MYLK3: variants seen among roughly 807,000 people sequenced by gnomAD.
MYLK3 encodes myosin light chain kinase 3.
A neutral mutation model predicts 76.3 loss-of-function variants in MYLK3; 55 were observed. The observed-to-expected ratio is 0.72, with a 90% CI of 0.58 to 0.90. The LOEUF is 0.90. Among genes scored for constraint, MYLK3 ranks in the 40% least tolerant of loss-of-function variants. The pLI is 0.00. For synonymous variants in MYLK3, 416 were observed against 425.4 expected, an observed-to-expected ratio of 0.98 and a Z score of 0.27; for missense variants, 973 against 1,053.6, an observed-to-expected ratio of 0.92 and a Z score of 1.06.
intron 2 of MYLK3, among the ~76,000 whole-genome samples, chr16:46,739,482 G>A (rs533893074): frequency 6.6e-6 from 1 of 152,148 alleles, no homozygotes; most frequent in African/African-American, 2.4e-5. Flanking sequence ...GGTTTGAACT[G>A]CACGGGTTCA....
At position 46,705,877 on chromosome 16, in the gene MYLK3, C is replaced by T. The variant is rs1039412885; in HGVS notation, c.*1827G>A. ...TAGCGGGCACCTATGGTCCCAGGTA[C>T]TCATGATCGCCTGAGCCCAGGAGGC... On this transcript the variant is annotated 3_prime_UTR_variant, in exon 13 of 13. Coordinates refer to ENST00000394809, the MANE Select transcript of MYLK3 (RefSeq NM_182493.3). The T allele has an allele frequency of 6.6e-6, 1 of 151,754 alleles. No homozygotes were observed. The highest frequency in any genetic ancestry group is 2.4e-5 in the African/African-American group (1 of 41,250). The allele number at this position is 151,754 out of a possible 1,614,324, so 9.4% of individuals were successfully genotyped here.
intron 3 of MYLK3, among the ~76,000 whole-genome samples, chr16:46,733,313 C>A (rs1475174403): frequency 6.6e-6 from 1 of 152,182 alleles, no homozygotes; most frequent in Non-Finnish European, 1.5e-5. Context: ...TATGATCATA[C>A]CACTGCACTC....
intron 9 of MYLK3, among the ~76,000 whole-genome samples, chr16:46,715,814 T>A (rs1966731935): frequency 6.6e-6 from 1 of 152,156 alleles, no homozygotes; most frequent in South Asian, 2.1e-4. Flanking sequence ...CCAACTTTAT[T>A]TTCTATAGTT....
intron 1 of MYLK3, among the ~76,000 whole-genome samples, chr16:46,746,917 G>C (rs981777375): frequency 1.3e-5 from 2 of 152,128 alleles, no homozygotes; most frequent in African/African-American, 2.4e-5. Context: ...TCCTGTCCTC[G>C]GCAGGCAGCC....
At chr16:46,710,521 T>C (rs1966671565) in intron 11 of MYLK3, 116 bp downstream of exon 11, 1 of 1,186,774 alleles carries the variant, frequency 8.4e-7, no homozygotes, top group East Asian at 2.3e-5. Flanking sequence ...AACTAAGAAA[T>C]CTTGAATGGA....
At chr16:46,757,382 G>C in intron 1 of MYLK3, 2 of 985,402 alleles carry the variant, frequency 2.0e-6, no homozygotes, top group Non-Finnish European at 2.4e-6. Flanking sequence ...TGTTCCTCAG[G>C]CTCTTACTTC....
chr16:46,742,690 T>C (rs1966953216), intron 1 of MYLK3, among the ~76,000 whole-genome samples: 1 of 152,190 alleles, frequency 6.6e-6, no homozygotes, highest in African/African-American at 2.4e-5. Context: ...CACCAAGCTT[T>C]GACCTCTGAA....
intron 5 of MYLK3, 22 bp downstream of exon 5, chr16:46,730,571 A>T (rs772350454): frequency 5.6e-6 from 9 of 1,603,156 alleles, no homozygotes; most frequent in African/African-American, 1.3e-5. Context: ...AAGCCCCCCA[A>T]CCAAGGCAGA....
At chr16:46,712,850 T>C (rs1966698351) in intron 9 of MYLK3, 74 bp from the exon 10 acceptor site, 2 of 1,411,408 alleles carry the variant, frequency 1.4e-6, no homozygotes, top group Admixed American at 5.1e-5. Flanking sequence ...TCATTTCTGG[T>C]GGGATGCAGA....
In MYLK3 at chr16:46,706,240, T is replaced by C. The variant is rs765096891; in HGVS notation, c.*1464A>G. On this transcript the variant is annotated 3_prime_UTR_variant, in exon 13 of 13. Transcript: ENST00000394809. ...GTCAGTTAATACCCATACACACATA[T>C]GTGTTCGTGTGTGTGTGTGTTTGTG... 4.0e-5 allele frequency: 6 copies of C among 151,846 alleles called. No individual in the cohort carries two copies. Among genetic ancestry groups the C allele is most frequent in the Non-Finnish European group, 7.4e-5 (5 of 68,006 alleles). 9.4% of individuals were successfully genotyped at this position (151,846 alleles called of 1,614,324 possible). A position where few individuals can be genotyped will look rare whatever the true frequency, so the allele number is the denominator to read the frequency against.
At chr16:46,713,106 G>T (rs917452466) in intron 9 of MYLK3, among the ~76,000 whole-genome samples, 1 of 151,980 alleles carries the variant, frequency 6.6e-6, no homozygotes, top group Non-Finnish European at 1.5e-5. Context: ...AATGGGTATA[G>T]AATTTCAGTT....
In MYLK3 at chr16:46,738,103, C is replaced by A. The variant is rs1285244487; in HGVS notation, c.609G>T (p.Arg203Ser). 1 of 1,583,950 alleles carries A rather than the reference C, an allele frequency of 6.3e-7. No individual in the cohort carries two copies. Among genetic ancestry groups the A allele is most frequent in the Non-Finnish European group, 8.6e-7 (1 of 1,165,664 alleles). ...GCCCTGACGCTCTGATGGGGGGCAG[C>A]CTCTCCGCTGTCCCCTCCAGCACGT... ...KADVLEGTAERLPPIRASGLG... is the reference protein window; with the variant it reads ...KADVLEGTAESLPPIRASGLG... The change falls in exon 3 of 13, where the codon AGG (arginine) becomes AGT (serine). Residue 203 changes from arginine to serine, a missense_variant. Transcript: ENST00000394809.
In MYLK3 at chr16:46,729,692, A is replaced by C. The variant is rs1042599022; in HGVS notation, c.1569-5T>G. 6.2e-7 allele frequency: 1 copy of C among 1,613,140 alleles called. No homozygotes were observed. The highest frequency in any genetic ancestry group is 8.5e-7 in the Non-Finnish European group (1 of 1,179,436). On this transcript the variant is annotated splice_polypyrimidine_tract_variant and splice_region_variant and intron_variant, in intron 5 of 12. Coordinates refer to ENST00000394809, the MANE Select transcript of MYLK3 (RefSeq NM_182493.3). ...TGGACCTGGCCAAACCGACCCCTGC[A>C]GAGACATAGCCACACGGCAGGCTGA...
At chr16:46,762,908 G>C (rs1219236195) in intron 1 of MYLK3, 1 of 624,822 alleles carries the variant, frequency 1.6e-6, no homozygotes, top group Non-Finnish European at 2.0e-6. Context: ...TTGCAACCAA[G>C]AGCTGCTCAT....
intron 1 of MYLK3, among the ~76,000 whole-genome samples, chr16:46,755,891 T>C (rs1426908932): frequency 8.3e-6 from 1 of 119,884 alleles, no homozygotes; most frequent in African/African-American, 3.4e-5. Context: ...TAGAGTTCTT[T>C]TTTCTTTTTT....
intron 1 of MYLK3, among the ~76,000 whole-genome samples, chr16:46,759,669 C>T (rs183511280): frequency 2.0e-5 from 3 of 151,808 alleles, no homozygotes; most frequent in Admixed American, 6.6e-5. Context: ...GCTCTGTCAC[C>T]CAGGCTGGAG....
chr16:46,708,181 T>C (rs1381104431), intron 12 of MYLK3, among the ~76,000 whole-genome samples: 1 of 152,116 alleles, frequency 6.6e-6, no homozygotes, highest in Non-Finnish European at 1.5e-5. Flanking sequence ...AACTTTTGTC[T>C]TGTTTGTAAA....
upstream of MYLK3, among the ~76,000 whole-genome samples, chr16:46,749,004 C>T (rs115095932): frequency 0.014 from 2,141 of 152,318 alleles, 52 homozygotes; most frequent in African/African-American, 0.048. Context: ...CACCTGCTCC[C>T]CCAATAACAA....
chr16:46,734,954 C>A (rs1345506034), intron 3 of MYLK3, among the ~76,000 whole-genome samples: 3 of 152,026 alleles, frequency 2.0e-5, no homozygotes, highest in African/African-American at 7.3e-5. Flanking sequence ...CCAGCCTGAG[C>A]AACATAGTGG....
Sources: allele counts gnomAD v4.1 joint callset (sites outside exome capture counted in the v4.1 genomes callset), GRCh38; gene constraint gnomAD v4.1.1; transcripts MANE v1.5; gene names NCBI Gene and HGNC (gene_info 2026-07-23, HGNC 2026-07-21).